The following PELI2 variants were observed in gnomAD, a reference collection of about 807,000 sequenced individuals.
PELI2 encodes E3 ubiquitin-protein ligase pellino homolog 2.
PELI2 carries 23 observed loss-of-function variants against 42.3 expected under a neutral mutation model. That is an observed-to-expected ratio of 0.54 (90% CI 0.39 to 0.77). The LOEUF (loss-of-function observed/expected upper bound fraction) is 0.77, where lower values mean the gene tolerates loss of function less well. PELI2 is among the 30% of genes least tolerant of loss of function. The pLI is 0.00. For synonymous variants in PELI2, 245 were observed against 212.2 expected, an observed-to-expected ratio of 1.15 and a Z score of -1.34; for missense variants, 463 against 553.2, an observed-to-expected ratio of 0.84 and a Z score of 1.64.
chr14:56,128,194 T>G (rs1005390104), intron 1 of PELI2, among the ~76,000 whole-genome samples: 2 of 152,328 alleles, frequency 1.3e-5, no homozygotes, highest in Non-Finnish European at 2.9e-5. Flanking sequence ...CGAGGCTGAT[T>G]TCACTTCAGA....
At chr14:56,182,046 A>G (rs572920279) in intron 2 of PELI2, among the ~76,000 whole-genome samples, 38 of 152,370 alleles carry the variant, frequency 2.5e-4, no homozygotes, top group Non-Finnish European at 4.0e-4. Flanking sequence ...ATCCACATGG[A>G]GCTAAATGTC....
chr14:56,226,083 A>G (rs143058520), intron 2 of PELI2, among the ~76,000 whole-genome samples: 104 of 151,726 alleles, frequency 6.9e-4, no homozygotes, highest in African/African-American at 2.2e-3. Context: ...AGGAAAAAAA[A>G]AAGAAGAAGA....
rs1414843534 is a variant in PELI2 at position 56,205,674 on chromosome 14, AG to A, written c.207+27211del. ...TAAATAAAATGTTTTGCTGTCAGAT[AG>A]TGTTTATGTGGAGCTGAAGACTTGG... is the stretch of plus-strand genomic sequence containing the variant. On this transcript the variant is annotated intron_variant, in intron 2 of 5. Coordinates refer to ENST00000267460, the MANE Select transcript of PELI2 (RefSeq NM_021255.3). 2.0e-5 allele frequency among the ~76,000 whole-genome samples: 3 copies of A among 152,206 alleles called. No individual in the cohort carries two copies. In the East Asian group the frequency reaches 5.8e-4, roughly 29 times the overall value.
intron 3 of PELI2, among the ~76,000 whole-genome samples, chr14:56,283,314 AT>A (rs1174574624): frequency 6.6e-6 from 1 of 152,188 alleles, no homozygotes; most frequent in East Asian, 1.9e-4. Flanking sequence ...AAGACTCAAG[AT>A]TTAATAAAGT....
At chr14:56,191,396 C>T (rs1199681087) in intron 2 of PELI2, among the ~76,000 whole-genome samples, 1 of 152,170 alleles carries the variant, frequency 6.6e-6, no homozygotes, top group Non-Finnish European at 1.5e-5. Context: ...TTACCTAACA[C>T]TCGAGTAGAA....
chr14:56,268,476 T>TTC (rs1403022415), intron 2 of PELI2, among the ~76,000 whole-genome samples: 1 of 152,182 alleles, frequency 6.6e-6, no homozygotes, highest in Non-Finnish European at 1.5e-5. Context: ...CGGTTAGATT[T>TTC]TCTCTCTCTC....
chr14:56,196,375 T>G (rs1428843336), intron 2 of PELI2, among the ~76,000 whole-genome samples: 2 of 152,228 alleles, frequency 1.3e-5, no homozygotes, highest in African/African-American at 4.8e-5. Flanking sequence ...CACAGAAAAC[T>G]TTTAGTCTCT....
At chr14:56,153,337 T>C (rs545212115) in intron 1 of PELI2, among the ~76,000 whole-genome samples, 38 of 152,348 alleles carry the variant, frequency 2.5e-4, no homozygotes, top group African/African-American at 8.9e-4. Context: ...GAGTTGCCTG[T>C]GGTTCCTGCT....
Position 56,296,846 on chromosome 14 carries a change from C to G in PELI2, c.943C>G (p.His315Asp). ...KQPWAYLSCGHVHGYHNWGHR... is the reference protein window; with the variant it reads ...KQPWAYLSCGDVHGYHNWGHR... ...GCCCTGGGCATATCTCAGTTGTGGC[C>G]ACGTGCACGGGTACCACAACTGGGG... The change falls in exon 6 of 6, where the codon CAC (histidine) becomes GAC (aspartate). Residue 315 changes from histidine (H) to aspartate (D), a missense_variant. Physicochemically the swap from His to Asp is moderately conservative, Grantham distance 81. This residue lies in a region of PELI2 where 17 missense variants were observed against 45.3 expected (regional missense o/e 0.38). Transcript: ENST00000267460. The G allele has an allele frequency of 6.2e-7, 1 of 1,614,096 alleles. No homozygotes were observed. The highest frequency in any genetic ancestry group is 8.5e-7 in the Non-Finnish European group (1 of 1,180,002).
intron 2 of PELI2, among the ~76,000 whole-genome samples, chr14:56,230,068 C>T (rs188857244): frequency 3.5e-3 from 536 of 152,156 alleles, no homozygotes; most frequent in Middle Eastern, 0.01. Context: ...TAAAAAGAAA[C>T]GAACAAAGCC....
chr14:56,215,933 A>G (rs1402008585), intron 2 of PELI2, among the ~76,000 whole-genome samples: 2 of 152,216 alleles, frequency 1.3e-5, no homozygotes, highest in Non-Finnish European at 2.9e-5. Context: ...TCACGTTGTT[A>G]TGTGGTGGAA....
chr14:56,215,579 T>G (rs1566642384), intron 2 of PELI2, among the ~76,000 whole-genome samples: 1 of 152,224 alleles, frequency 6.6e-6, no homozygotes, highest in East Asian at 1.9e-4. Flanking sequence ...TTAAATCAAT[T>G]GTTGGAAATT....
intron 2 of PELI2, among the ~76,000 whole-genome samples, chr14:56,216,512 A>G (rs190225188): frequency 3.2e-4 from 49 of 152,402 alleles, no homozygotes; most frequent in African/African-American, 1.2e-3. Flanking sequence ...TGCTGCAAGC[A>G]CAGACACTCC....
intron 2 of PELI2, among the ~76,000 whole-genome samples, chr14:56,253,933 G>C (rs1488634129): frequency 6.6e-6 from 1 of 152,170 alleles, no homozygotes; most frequent in Non-Finnish European, 1.5e-5. Flanking sequence ...CACACTACCT[G>C]ACTTCAAACT....
intron 1 of PELI2, among the ~76,000 whole-genome samples, chr14:56,126,490 A>G (rs242384): frequency 0.62 from 95,019 of 152,082 alleles, 30,799 homozygotes; most frequent in East Asian, 0.91. Context: ...CATTGTTTCA[A>G]GCTTTGTACT....
intron 2 of PELI2, among the ~76,000 whole-genome samples, chr14:56,264,213 A>AT (rs1888820648): frequency 6.6e-6 from 1 of 152,124 alleles, no homozygotes; most frequent in African/African-American, 2.4e-5. Flanking sequence ...TTTGCATGGT[A>AT]TATTTAGTGC....
chr14:56,180,689 T>A lies in PELI2; in HGVS notation c.207+2225T>A, dbSNP rs1241947498. Among the ~76,000 whole-genome samples, 1 of 152,066 alleles carries A rather than the reference T, an allele frequency of 6.6e-6. No individual in the cohort carries two copies. The highest frequency in any genetic ancestry group is 2.4e-5 in the African/African-American group (1 of 41,390). On this transcript the variant is annotated intron_variant, in intron 2 of 5. Transcript: ENST00000267460. The surrounding 1 kb of genome is among the most constrained non-coding windows in gnomAD (Gnocchi z 4.4). Reference sequence around the variant, plus strand: ...AGCTGTACCCGGCCACTCCTGCTGCTTGGTTTGCTCTGTTGGCACCTTCTA... The same window carrying A: ...AGCTGTACCCGGCCACTCCTGCTGCATGGTTTGCTCTGTTGGCACCTTCTA...
At chr14:56,232,360 A>G (rs1007484587) in intron 2 of PELI2, among the ~76,000 whole-genome samples, 3 of 152,208 alleles carry the variant, frequency 2.0e-5, no homozygotes, top group East Asian at 1.9e-4. Context: ...AAAATCCTCA[A>G]TAAAATACTG....
intron 1 of PELI2, among the ~76,000 whole-genome samples, chr14:56,137,200 C>CT (rs33928658): frequency 0.59 from 88,711 of 149,514 alleles, 26,714 homozygotes; most frequent in African/African-American, 0.73. Flanking sequence ...CCATAGTAAC[C>CT]TTTTTTTTTT....
Sources: gnomAD v4.1 joint callset for allele counts (sites outside exome capture counted in the v4.1 genomes callset) on GRCh38, gnomAD v4.1.1 for gene constraint, gnomAD v4.1.1 regional missense constraint, Gnocchi (gnomAD v3.1) non-coding constraint, MANE v1.5 for transcripts, NCBI Gene and HGNC (gene_info 2026-07-23, HGNC 2026-07-21) for gene names.